Variants in CAGE1 observed in about 807,000 individuals in gnomAD.
CAGE1 encodes cancer-associated gene 1 protein.
In CAGE1, 66 loss-of-function variants were observed where a neutral mutation model predicts 94.9. The ratio of observed to expected loss-of-function variants is 0.70; its 90% confidence interval spans 0.57 to 0.85. The LOEUF (loss-of-function observed/expected upper bound fraction) is 0.85. CAGE1 is among the 40% of genes least tolerant of loss of function. The probability of loss-of-function intolerance (pLI) is 0.00; values close to 1 mark genes in which losing one functional copy is unlikely to be tolerated. For synonymous variants in CAGE1, 319 were observed against 321.0 expected (o/e 0.99, Z 0.07); for missense variants, 865 against 950.4 (o/e 0.91, Z 1.18).
intron 9 of CAGE1, among the ~76,000 whole-genome samples, chr6:7,359,993 C>A (rs1403791037): frequency 6.6e-6 from 1 of 152,148 alleles, no homozygotes; most frequent in Admixed American, 6.5e-5. Context: ...TTTCTGGAGG[C>A]CTTAGGGGAG....
At chr6:7,355,918 T>G in intron 10 of CAGE1, 107 bp downstream of exon 10, 1 of 631,662 alleles carries the variant, frequency 1.6e-6, no homozygotes, top group Non-Finnish European at 2.8e-6. Context: ...CAAGGAGGCT[T>G]GCTTGAGCCC....
At chr6:7,374,248 A>G (rs560115823) in intron 4 of CAGE1, 117 bp from the exon 5 acceptor site, 4 of 749,966 alleles carry the variant, frequency 5.3e-6, no homozygotes, top group South Asian at 3.6e-5. Flanking sequence ...TTTCTCCGCT[A>G]TAAAGTAACA....
At chr6:7,365,629 A>C (rs1760305091) in intron 8 of CAGE1, 54 bp from the exon 9 acceptor site, 1 of 1,534,880 alleles carries the variant, frequency 6.5e-7, no homozygotes, top group Admixed American at 1.9e-5. Context: ...TCCTTGGAAT[A>C]CCTGACAATA....
At chr6:7,385,399 C>A (rs940696840) in intron 3 of CAGE1, among the ~76,000 whole-genome samples, 1 of 152,088 alleles carries the variant, frequency 6.6e-6, no homozygotes, top group South Asian at 2.1e-4. Flanking sequence ...GACTTCCTGG[C>A]TCAAGCAATC....
intron 9 of CAGE1, among the ~76,000 whole-genome samples, 169 bp from the exon 10 acceptor site, chr6:7,356,298 C>T (rs1759950810): frequency 6.6e-6 from 1 of 152,200 alleles, no homozygotes; most frequent in South Asian, 2.1e-4. Flanking sequence ...AATGGTTGGA[C>T]TGCACTTAGA....
chr6:7,334,063 C>T lies in CAGE1; in HGVS notation c.2397G>A (p.Glu799=). The T allele has an allele frequency of 6.5e-7, 1 of 1,538,676 alleles. No homozygotes were observed. The highest frequency in any genetic ancestry group is 8.8e-7 in the Non-Finnish European group (1 of 1,137,070). The part of the protein sequence containing the change: ...AHLEERNKHL[E]DLIRKPREKA... The stretch of plus-strand genomic sequence containing the variant: ...TTTCTCTGGGCTTTCTAATTAAATC[C>T]TCTAAATGTTTATTTCTCTCTTCCA... The change falls in exon 12 of 14, where the codon GAG becomes GAA. Residue 799 remains glutamate (E), a synonymous_variant. Coordinates refer to ENST00000502583, the MANE Select transcript of CAGE1 (RefSeq NM_001170692.2).
intron 4 of CAGE1, among the ~76,000 whole-genome samples, chr6:7,378,290 G>C (rs1671264238): frequency 6.6e-6 from 1 of 152,184 alleles, no homozygotes. Context: ...CTGATCCTTA[G>C]AGAAATTACC....
Position 7,373,450 on chromosome 6 carries a change from G to A in CAGE1, c.1369C>T (p.Gln457Ter), listed in dbSNP as rs1401509408. ...KKEEEVERLQ[Q>*]LKKELEKATA... ...GCCTTTTCCAGTTCTTTTTTGAGTT[G>A]TTGTAGTCTCTCTACCTCTTCTTCT... The change falls in exon 5 of 14, where the codon CAA becomes TAA. Residue 457 changes from glutamine (Q) to a stop codon, truncating the protein, a stop_gained. Transcript: ENST00000502583. LOFTEE classifies it high-confidence loss of function. The A allele has an allele frequency of 2.5e-6, 4 of 1,613,582 alleles. No individual in the cohort carries two copies. The Admixed American group carries it at 6.7e-5, about 27-fold the overall frequency.
rs545781195 is a variant in CAGE1 at position 7,362,113 on chromosome 6, G to T, written c.2193+3355C>A. Among the ~76,000 whole-genome samples the T allele has an allele frequency of 6.6e-6, 1 of 152,230 alleles. No individual in the cohort carries two copies. Among genetic ancestry groups the T allele is most frequent in the South Asian group, 2.1e-4 (1 of 4,818 alleles). On this transcript the variant is annotated intron_variant, in intron 9 of 13. Coordinates refer to ENST00000502583, the MANE Select transcript of CAGE1 (RefSeq NM_001170692.2). This position sits in a 1 kb window ranked among gnomAD's most constrained non-coding sequence, Gnocchi z 4.1. Reference sequence around the variant, plus strand: ...CTTTGCCTGTTCCTTTCTTATTCTTGTGACTTCTTTACAATTTAACAAGCT... The same window carrying T: ...CTTTGCCTGTTCCTTTCTTATTCTTTTGACTTCTTTACAATTTAACAAGCT...
In CAGE1 at chr6:7,373,668, T is replaced by A. The variant is rs1411761344; in HGVS notation, c.1151A>T (p.Asn384Ile). ...EKNDTKKTLQ[N>I]LEEVLANTQK... is the part of the protein sequence containing the mutation. ...CGTGTTAGCTAAAACCTCTTCCAAA[T>A]TCTGCAATGTCTTTTTAGTATCATT... The change falls in exon 5 of 14, where the codon AAT becomes ATT. Residue 384 changes from asparagine (N) to isoleucine (I), a missense_variant. By Grantham distance (149) the Asn-to-Ile change is moderately radical. Coordinates refer to ENST00000502583, the MANE Select transcript of CAGE1 (RefSeq NM_001170692.2). The A allele has an allele frequency of 1.9e-6, 3 of 1,613,224 alleles. No individual in the cohort carries two copies. The African/African-American group carries it at 4.0e-5, about 22-fold the overall frequency.
intron 2 of CAGE1, among the ~76,000 whole-genome samples, chr6:7,386,281 T>C (rs1324892195): frequency 6.6e-6 from 1 of 152,250 alleles, no homozygotes; most frequent in Non-Finnish European, 1.5e-5. Flanking sequence ...TGTATTTTTA[T>C]AAATTCCTAT....
At chr6:7,341,857 G>A in intron 11 of CAGE1, 1 of 680,600 alleles carries the variant, frequency 1.5e-6, no homozygotes, top group Non-Finnish European at 2.8e-6. Flanking sequence ...CAGGAACTGG[G>A]CCACTTCTTC....
At chr6:7,345,547 G>A (rs1249365817) in intron 11 of CAGE1, among the ~76,000 whole-genome samples, 2 of 152,150 alleles carry the variant, frequency 1.3e-5, no homozygotes, top group Non-Finnish European at 2.9e-5. Flanking sequence ...CTATCACCAA[G>A]TAGTTTTCTT....
chr6:7,354,994 G>A (rs1759900584), intron 11 of CAGE1, 47 bp downstream of exon 11: 3 of 1,278,494 alleles, frequency 2.3e-6, no homozygotes, highest in Non-Finnish European at 3.4e-6. Context: ...AGAGAATAAG[G>A]TATTAGTAAA....
rs1469782567 is a variant in CAGE1 at position 7,378,664 on chromosome 6, TG to T, written c.639del (p.Lys214ArgfsTer92). The T allele has an allele frequency of 6.2e-7, 1 of 1,610,732 alleles. No homozygotes were observed. Among genetic ancestry groups the T allele is most frequent in the Non-Finnish European group, 8.5e-7 (1 of 1,178,916 alleles). Reference sequence around the variant, plus strand: ...TGGCTAGGGTTGAGGGCAGATTCCTTGGCAATACTTTTAGCCAGTGACTTTT... The same window carrying T: ...TGGCTAGGGTTGAGGGCAGATTCCTTGCAATACTTTTAGCCAGTGACTTTT... ...FTEKSLAKSI[A>X]KESALNPSQP... On this transcript the variant is annotated frameshift_variant, in exon 4 of 14. Coordinates refer to ENST00000502583, the MANE Select transcript of CAGE1 (RefSeq NM_001170692.2). LOFTEE classifies it high-confidence loss of function.
In CAGE1 at chr6:7,374,245, G is replaced by A. The variant is rs940389058; in HGVS notation, c.688-114C>T. The A allele has an allele frequency of 7.3e-5, 57 of 781,944 alleles. No individual in the cohort carries two copies. The Admixed American group carries it at 7.8e-4, about 11-fold the overall frequency. The allele number at this position is 781,944 out of a possible 1,614,324, so 48.4% of individuals were successfully genotyped here. ...GTAGATCCCCTGTTTGGCTTTCTCC[G>A]CTATAAAGTAACAATAGTATCTACT... On this transcript the variant is annotated intron_variant, in intron 4 of 13. Coordinates refer to ENST00000502583, the MANE Select transcript of CAGE1 (RefSeq NM_001170692.2).
rs932787861 is a variant in CAGE1, at chr6:7,341,119, T to C, written c.2370-7029A>G. 5.4e-6 allele frequency: 3 copies of C among 555,920 alleles called. No individual in the cohort carries two copies. The African/African-American group carries it at 5.7e-5, about 11-fold the overall frequency. 34.4% of individuals were successfully genotyped at this position (555,920 alleles called of 1,614,324 possible). A position where few individuals can be genotyped will look rare whatever the true frequency, so the allele number is the denominator to read the frequency against. ...CAATGCCTTTAGCTTGGCAGTGATG[T>C]ACTTGTGAGCTTCCCACAGCCGGTA... On this transcript the variant is annotated intron_variant, in intron 11 of 13. Coordinates refer to ENST00000502583, the MANE Select transcript of CAGE1 (RefSeq NM_001170692.2).
intron 9 of CAGE1, among the ~76,000 whole-genome samples, chr6:7,361,614 C>T (rs1334003015): frequency 2.6e-5 from 4 of 152,124 alleles, no homozygotes; most frequent in Non-Finnish European, 5.9e-5. Context: ...TAAGCTCTTG[C>T]TAAGAGCTGG....
rs751422053 is a variant in CAGE1, at chr6:7,365,489, T to G, written c.2172A>C (p.Leu724=). The change falls in exon 9 of 14, where the codon CTA becomes CTC. Residue 724 remains leucine, a synonymous_variant. Coordinates refer to ENST00000502583, the MANE Select transcript of CAGE1 (RefSeq NM_001170692.2). Reference sequence around the variant, plus strand: ...TTACCAAGAAATCAAGCTCCTCATTTAGACTGTGGTACTTATCCAGTTTGG... The same window carrying G: ...TTACCAAGAAATCAAGCTCCTCATTGAGACTGTGGTACTTATCCAGTTTGG... The part of the protein sequence containing the change: ...LGAKLDKYHS[L]NEELDFLITK... 4 of 1,613,268 alleles carry G rather than the reference T, an allele frequency of 2.5e-6. No individual in the cohort carries two copies. The Admixed American group carries it at 6.7e-5, about 27-fold the overall frequency.
Sources: allele counts gnomAD v4.1 joint callset (sites outside exome capture counted in the v4.1 genomes callset), GRCh38; gene constraint gnomAD v4.1.1; non-coding constraint Gnocchi (gnomAD v3.1); transcripts MANE v1.5; gene names NCBI Gene and HGNC (gene_info 2026-07-23, HGNC 2026-07-21).